PDE4B: variants seen among roughly 807,000 people sequenced by gnomAD.
The protein encoded by PDE4B is 3',5'-cyclic-AMP phosphodiesterase 4B.
In PDE4B, 20 loss-of-function variants were observed where a neutral mutation model predicts 82.2. That is an observed-to-expected ratio of 0.24 (90% CI 0.17 to 0.35). PDE4B has a LOEUF of 0.35. PDE4B is among the 10% of genes least tolerant of loss of function. The pLI, the probability that PDE4B is intolerant of heterozygous loss-of-function variation, is 1.00. For missense variants in PDE4B, 655 were observed against 907.2 expected, an observed-to-expected ratio of 0.72 and a Z score of 3.57; for synonymous variants, 320 against 318.9, an observed-to-expected ratio of 1.00 and a Z score of -0.04.
At chr1:66,012,627 G>A (rs1272047155) in intron 3 of PDE4B, among the ~76,000 whole-genome samples, 7 of 152,130 alleles carry the variant, frequency 4.6e-5, no homozygotes, top group East Asian at 3.9e-4. Context: ...CTTAGCAGTC[G>A]TCTTACTTTC....
At chr1:65,932,533 T>C (rs1647895986) in intron 3 of PDE4B, among the ~76,000 whole-genome samples, 1 of 151,902 alleles carries the variant, frequency 6.6e-6, no homozygotes, top group Non-Finnish European at 1.5e-5. Context: ...TTTTGTCTAA[T>C]ATACCAACCC....
intron 3 of PDE4B, among the ~76,000 whole-genome samples, chr1:65,925,649 A>G (rs990069351): frequency 1.3e-5 from 2 of 152,232 alleles, no homozygotes; most frequent in East Asian, 1.9e-4. Context: ...ATTGCCCTCA[A>G]CATTAGGTTT....
At chr1:65,808,601 T>C (rs188129421) in intron 1 of PDE4B, among the ~76,000 whole-genome samples, 3 of 152,304 alleles carry the variant, frequency 2.0e-5, no homozygotes, top group Non-Finnish European at 4.4e-5. Context: ...ACTGTGAACT[T>C]TGAGCATATG....
chr1:66,244,905 G>A (rs1036777561), intron 3 of PDE4B, among the ~76,000 whole-genome samples: 1 of 152,156 alleles, frequency 6.6e-6, no homozygotes, highest in East Asian at 1.9e-4. Flanking sequence ...TCTAATACTA[G>A]GGACAGAATG....
intron 1 of PDE4B, among the ~76,000 whole-genome samples, chr1:65,854,410 G>A (rs894861387): frequency 2.0e-5 from 3 of 148,668 alleles, no homozygotes; most frequent in Non-Finnish European, 3.0e-5. Context: ...TTTCTTTAAC[G>A]TATCCTATAG....
At chr1:65,984,983 A>G (rs140401249) in intron 3 of PDE4B, among the ~76,000 whole-genome samples, 43 of 152,256 alleles carry the variant, frequency 2.8e-4, no homozygotes, top group African/African-American at 7.9e-4. Context: ...TGACAAATAA[A>G]ATTCTATTTT....
intron 7 of PDE4B, among the ~76,000 whole-genome samples, chr1:66,298,584 C>T (rs1287982884): frequency 6.6e-6 from 1 of 152,090 alleles, no homozygotes; most frequent in Non-Finnish European, 1.5e-5. Flanking sequence ...TTTTATGGGG[C>T]AGGGCCTGGG....
intron 3 of PDE4B, among the ~76,000 whole-genome samples, chr1:66,243,652 G>A (rs1403846302): frequency 6.6e-6 from 1 of 152,076 alleles, no homozygotes; most frequent in Non-Finnish European, 1.5e-5. Context: ...ACTGTAATGG[G>A]AAAGACATTC....
chr1:66,205,825 A>G (rs1278115768), intron 3 of PDE4B, among the ~76,000 whole-genome samples: 1 of 152,222 alleles, frequency 6.6e-6, no homozygotes, highest in Admixed American at 6.5e-5. Flanking sequence ...GCCAGATTTT[A>G]AATCCTGTTT....
chr1:66,281,527 T>C (rs2101782244), intron 7 of PDE4B, among the ~76,000 whole-genome samples: 1 of 152,328 alleles, frequency 6.6e-6, no homozygotes, highest in East Asian at 1.9e-4. Context: ...TTAACATGGG[T>C]TTTCCTCATT....
At chr1:65,799,076 G>A (rs942088318) in intron 1 of PDE4B, among the ~76,000 whole-genome samples, 4 of 152,152 alleles carry the variant, frequency 2.6e-5, no homozygotes, top group African/African-American at 9.7e-5. Flanking sequence ...ATGGATTAAG[G>A]AGCAGATACC....
chr1:66,366,575 C>A (rs1405916764), intron 13 of PDE4B, among the ~76,000 whole-genome samples: 5 of 152,136 alleles, frequency 3.3e-5, no homozygotes, highest in Admixed American at 3.3e-4. Flanking sequence ...GATCATCAGT[C>A]CTTGACCTTT....
chr1:66,101,180 C>T (rs1290895366), intron 3 of PDE4B, among the ~76,000 whole-genome samples: 1 of 152,146 alleles, frequency 6.6e-6, no homozygotes, highest in Non-Finnish European at 1.5e-5. Flanking sequence ...TTTATGGCTG[C>T]ATAGTATTCC....
intron 3 of PDE4B, among the ~76,000 whole-genome samples, chr1:66,225,089 TG>T (rs1423156760): frequency 2.6e-5 from 4 of 152,188 alleles, no homozygotes; most frequent in Non-Finnish European, 5.9e-5. Flanking sequence ...CACCTGCATC[TG>T]TCTCCTCCCT....
At chr1:65,935,541 A>G (rs1648078374) in intron 3 of PDE4B, among the ~76,000 whole-genome samples, 1 of 152,178 alleles carries the variant, frequency 6.6e-6, no homozygotes, top group Non-Finnish European at 1.5e-5. Flanking sequence ...TTTACAAACA[A>G]ATATTTTTCT....
At chr1:66,087,872 G>GCA in intron 3 of PDE4B, among the ~76,000 whole-genome samples, 1 of 109,134 alleles carries the variant, frequency 9.2e-6, no homozygotes, top group Admixed American at 1.2e-4. Flanking sequence ...CTGTTGTGGG[G>GCA]TGGGGGGAGG....
At chr1:65,870,862 A>G (rs1328737611) in intron 1 of PDE4B, among the ~76,000 whole-genome samples, 1 of 152,228 alleles carries the variant, frequency 6.6e-6, no homozygotes, top group African/African-American at 2.4e-5. Flanking sequence ...AGGTAGGTCC[A>G]GGTAATATTA....
intron 1 of PDE4B, among the ~76,000 whole-genome samples, chr1:65,884,210 T>C (rs543245989): frequency 6.6e-6 from 1 of 152,332 alleles, no homozygotes; most frequent in East Asian, 1.9e-4. Flanking sequence ...TTCTATTGAT[T>C]GGAATAGTTT....
At chr1:65,962,980 A>G (rs555299595) in intron 3 of PDE4B, among the ~76,000 whole-genome samples, 1 of 152,318 alleles carries the variant, frequency 6.6e-6, no homozygotes, top group Non-Finnish European at 1.5e-5. Context: ...AACAGCAACA[A>G]CAAGCCAGAA....
Sources: gnomAD v4.1 joint callset for allele counts (sites outside exome capture counted in the v4.1 genomes callset) on GRCh38, gnomAD v4.1.1 for gene constraint, MANE v1.5 for transcripts, NCBI Gene and HGNC (gene_info 2026-07-23, HGNC 2026-07-21) for gene names.